ACTR3C: variants seen among roughly 807,000 people sequenced by gnomAD.
The protein encoded by ACTR3C is actin related protein 3C, also known as actin-related protein 3C.
ACTR3C carries 18 observed loss-of-function variants against 26.3 expected under a neutral mutation model. The ratio of observed to expected loss-of-function variants is 0.68; its 90% CI spans 0.47 to 1.01. The LOEUF is 1.01. Among genes scored for constraint, ACTR3C ranks in the 50% least tolerant of loss-of-function variants. The pLI, the probability that ACTR3C is intolerant of heterozygous loss-of-function variation, is 0.00. For missense variants in ACTR3C, 184 were observed against 250.7 expected (o/e 0.73, Z 1.80); for synonymous variants, 55 against 94.5 (o/e 0.58, Z 2.42).
the ACTR3C span, among the ~76,000 whole-genome samples, chr7:150,036,051 C>T: frequency 3.4e-4 from 39 of 114,592 alleles, 1 homozygote; most frequent in East Asian, 2.3e-3. Context: ...AAGAGGGGCT[C>T]GCTCTCAGTC....
the ACTR3C span, among the ~76,000 whole-genome samples, chr7:150,235,043 C>T: frequency 6.6e-6 from 1 of 152,172 alleles, no homozygotes; most frequent in East Asian, 1.9e-4. Context: ...AGGCTTTTGT[C>T]ATATCATAAT....
At chr7:150,191,803 T>G in the ACTR3C span, among the ~76,000 whole-genome samples, 1 of 152,036 alleles carries the variant, frequency 6.6e-6, no homozygotes, top group Non-Finnish European at 1.5e-5. Context: ...TAAACAGGAG[T>G]GGATCTTTTG....
chr7:150,166,010 A>C, the ACTR3C span, among the ~76,000 whole-genome samples: 1 of 151,734 alleles, frequency 6.6e-6, no homozygotes, highest in Non-Finnish European at 1.5e-5. Context: ...ACTGAAACAC[A>C]CATGATTTTT....
At chr7:150,141,428 T>A in the ACTR3C span, among the ~76,000 whole-genome samples, 1 of 151,874 alleles carries the variant, frequency 6.6e-6, no homozygotes, top group East Asian at 1.9e-4. Context: ...TTAGGACCCA[T>A]TAGTAACGAG....
chr7:150,157,259 T>C, the ACTR3C span, among the ~76,000 whole-genome samples: 1 of 152,128 alleles, frequency 6.6e-6, no homozygotes, highest in Non-Finnish European at 1.5e-5. Context: ...TTCCTTCTAA[T>C]GGTAGCTTCT....
At chr7:149,999,222 T>C in the ACTR3C span, among the ~76,000 whole-genome samples, 1 of 150,944 alleles carries the variant, frequency 6.6e-6, no homozygotes, top group Non-Finnish European at 1.5e-5. Context: ...CTTCAAATAG[T>C]GATAATCCTG....
At chr7:150,068,000 T>C in the ACTR3C span, among the ~76,000 whole-genome samples, 3 of 152,162 alleles carry the variant, frequency 2.0e-5, no homozygotes, top group African/African-American at 7.2e-5. Flanking sequence ...ATATATAAGA[T>C]AAAATATGTC....
At chr7:149,888,214 C>T in the ACTR3C span, among the ~76,000 whole-genome samples, 2 of 125,944 alleles carry the variant, frequency 1.6e-5, no homozygotes, top group African/African-American at 5.3e-5. Context: ...TTTCTTTGTC[C>T]ACCCCCCTAT....
At chr7:150,236,142 T>C in the ACTR3C span, among the ~76,000 whole-genome samples, 2 of 152,244 alleles carry the variant, frequency 1.3e-5, no homozygotes, top group African/African-American at 4.8e-5. Flanking sequence ...AACTAAAATG[T>C]TGCTGTCTCA....
chr7:150,268,970 G>T (rs1327625527), intron 6 of ACTR3C, among the ~76,000 whole-genome samples: 1 of 1,292 alleles, frequency 7.7e-4, no homozygotes, highest in African/African-American at 5.2e-3. Context: ...GGCCAGAGCA[G>T]AGCTGTCCCG....
chr7:150,295,279 G>C lies in ACTR3C; in HGVS notation c.18C>G (p.Asn6Lys). The change falls in exon 2 of 8, where the codon AAC becomes AAG. Residue 6 changes from asparagine (N) to lysine (K), a missense_variant. Asn to Lys is a moderately conservative substitution (Grantham distance 94, BLOSUM62 0). Transcript: ENST00000683684. ...GAACTGCAATGTAGAGTCCTGGAAC[G>C]TTAAATGATTCGAACATAATTTCTG... MFESF[N>K]VPGLYIAVQA... 1 of 1,613,994 alleles carries C rather than the reference G, an allele frequency of 6.2e-7. No individual in the cohort carries two copies. Among genetic ancestry groups the C allele is most frequent in the Non-Finnish European group, 8.5e-7 (1 of 1,179,860 alleles).
chr7:149,946,658 T>C, the ACTR3C span, among the ~76,000 whole-genome samples: 1 of 152,234 alleles, frequency 6.6e-6, no homozygotes, highest in African/African-American at 2.4e-5. Flanking sequence ...TCAAAAGTTC[T>C]GTTTATTTCC....
intron 1 of ACTR3C, among the ~76,000 whole-genome samples, chr7:150,300,611 TC>T (rs1315455419): frequency 6.6e-6 from 1 of 150,960 alleles, no homozygotes; most frequent in African/African-American, 2.4e-5. Flanking sequence ...CACTTTAAAC[TC>T]TGGCACAGCA....
At chr7:150,173,801 T>C in the ACTR3C span, among the ~76,000 whole-genome samples, 2 of 148,322 alleles carry the variant, frequency 1.3e-5, no homozygotes, top group African/African-American at 5.3e-5. Flanking sequence ...TTCTGCCAGA[T>C]ACCCTAAATC....
Position 150,261,497 on chromosome 7 carries a change from T to A in ACTR3C, c.565-12443A>T, listed in dbSNP as rs200374590. Among the ~76,000 whole-genome samples the A allele has an allele frequency of 2.0e-5, 3 of 152,358 alleles. No homozygotes were observed. The South Asian group carries it at 6.2e-4, about 32-fold the overall frequency. On this transcript the variant is annotated intron_variant, in intron 6 of 7. Coordinates refer to ENST00000683684, the MANE Select transcript of ACTR3C (RefSeq NM_001164458.2). ...TTTAAACTGTACCTTTATCAGGAGTTGGAGATCAGCCTGGCCAACATGGTG... is the reference window on the plus strand; with the variant it reads ...TTTAAACTGTACCTTTATCAGGAGTAGGAGATCAGCCTGGCCAACATGGTG...
At chr7:149,931,785 C>CA in the ACTR3C span, among the ~76,000 whole-genome samples, 1,242 of 149,882 alleles carry the variant, frequency 8.3e-3, 12 homozygotes, top group African/African-American at 0.027. Context: ...AATAAATTGA[C>CA]AAAAAAAAAG....
chr7:150,269,323 C>A (rs1453968874), intron 6 of ACTR3C, among the ~76,000 whole-genome samples: 1 of 142,696 alleles, frequency 7.0e-6, no homozygotes, highest in East Asian at 2.1e-4. Flanking sequence ...ACAATCTGAC[C>A]CCAGCCTACT....
chr7:150,251,080 C>A (rs1369847685), intron 6 of ACTR3C, among the ~76,000 whole-genome samples: 3 of 152,136 alleles, frequency 2.0e-5, no homozygotes, highest in Admixed American at 6.5e-5. Context: ...CCCTATAGCA[C>A]CTGGCATATA....
At chr7:150,267,120 C>T (rs1399085967) in intron 6 of ACTR3C, among the ~76,000 whole-genome samples, 6 of 152,190 alleles carry the variant, frequency 3.9e-5, no homozygotes, top group African/African-American at 9.7e-5. Context: ...ACTTGTGGCA[C>T]AGTCGCTCGC....
Sources: allele counts gnomAD v4.1 joint callset (sites outside exome capture counted in the v4.1 genomes callset), GRCh38; gene constraint gnomAD v4.1.1; transcripts MANE v1.5; gene names NCBI Gene and HGNC (gene_info 2026-07-23, HGNC 2026-07-21).